The following ARHGAP21 variants were observed in gnomAD, a reference collection of about 807,000 sequenced individuals.
ARHGAP21 encodes the protein rho GTPase-activating protein 21.
In ARHGAP21, 38 loss-of-function variants were observed where a neutral mutation model predicts 164.6. The ratio of observed to expected loss-of-function variants is 0.23; its 90% CI spans 0.18 to 0.30. The LOEUF is 0.30. Among genes scored for constraint, ARHGAP21 ranks in the 10% least tolerant of loss-of-function variants. The probability of loss-of-function intolerance (pLI) is 1.00; values close to 1 mark genes in which losing one functional copy is unlikely to be tolerated. For synonymous variants in ARHGAP21, 766 were observed against 857.9 expected (o/e 0.89, Z 1.87); for missense variants, 1,822 against 2,370.7 (o/e 0.77, Z 4.81).
At chr10:24,597,785 G>C (rs554576264) in intron 15 of ARHGAP21, among the ~76,000 whole-genome samples, 160 bp downstream of exon 15, 1 of 152,056 alleles carries the variant, frequency 6.6e-6, no homozygotes, top group Non-Finnish European at 1.5e-5. Flanking sequence ...TACACTACCC[G>C]CCCATTACTA....
chr10:24,711,116 GGGAA>G lies in ARHGAP21; in HGVS notation c.63+10717_63+10720del, dbSNP rs1191649348. On this transcript the variant is annotated intron_variant, in intron 2 of 25. Coordinates refer to ENST00000396432, the MANE Select transcript of ARHGAP21 (RefSeq NM_020824.4). ...CTCAAAAAAAAAAAAAAAAAAAAAAGGGAAGGAAGGAAGGAAGGAAGGAGGGAGG... is the reference window on the plus strand; with the variant it reads ...CTCAAAAAAAAAAAAAAAAAAAAAAGGGAAGGAAGGAAGGAAGGAGGGAGG... 1.8e-3 allele frequency among the ~76,000 whole-genome samples: 206 copies of G among 114,980 alleles called. 1 individual carries two copies. The highest frequency in any genetic ancestry group is 4.9e-3 in the African/African-American group (144 of 29,550). The allele number at this position is 114,980 out of a possible 152,430, so 75.4% of individuals were successfully genotyped here.
intron 2 of ARHGAP21, among the ~76,000 whole-genome samples, chr10:24,691,351 G>A (rs1016498972): frequency 2.3e-4 from 35 of 152,196 alleles, no homozygotes; most frequent in African/African-American, 8.2e-4. Context: ...TAGACATGGA[G>A]CAATGAGGCT....
At chr10:24,707,440 A>G (rs139162035) in intron 2 of ARHGAP21, among the ~76,000 whole-genome samples, 2 of 152,316 alleles carry the variant, frequency 1.3e-5, no homozygotes, top group African/African-American at 4.8e-5. Flanking sequence ...TTACACTTCC[A>G]TAGGTGAAGT....
intron 2 of ARHGAP21, among the ~76,000 whole-genome samples, chr10:24,705,004 T>C (rs1484305961): frequency 6.6e-6 from 1 of 152,094 alleles, no homozygotes; most frequent in Admixed American, 6.5e-5. Flanking sequence ...CCAAGGCACA[T>C]CCAAAAAAGC....
At chr10:24,605,842 G>C (rs2077001341) in intron 11 of ARHGAP21, 1 of 151,998 alleles carries the variant, frequency 6.6e-6, no homozygotes, top group Admixed American at 6.6e-5. Context: ...TAAAATAATA[G>C]CCTTACCAGG....
chr10:24,674,141 T>A (rs1045759540), intron 2 of ARHGAP21, among the ~76,000 whole-genome samples: 1 of 152,168 alleles, frequency 6.6e-6, no homozygotes, highest in African/African-American at 2.4e-5. Context: ...ACACCTGTAA[T>A]CCCAGCACTT....
At chr10:24,669,325 GT>G (rs1386106444) in intron 3 of ARHGAP21, among the ~76,000 whole-genome samples, 1 of 152,146 alleles carries the variant, frequency 6.6e-6, no homozygotes, top group Middle Eastern at 3.2e-3. Flanking sequence ...TTAAAAGACA[GT>G]TTTGGATTCA....
At chr10:24,623,149 G>A (rs948625047) in intron 7 of ARHGAP21, among the ~76,000 whole-genome samples, 2 of 152,096 alleles carry the variant, frequency 1.3e-5, no homozygotes, top group African/African-American at 2.4e-5. Flanking sequence ...TCCAGATGAC[G>A]AAACGAATGC....
chr10:24,721,242 G>A (rs1376780610), intron 2 of ARHGAP21, among the ~76,000 whole-genome samples: 1 of 152,178 alleles, frequency 6.6e-6, no homozygotes, highest in Non-Finnish European at 1.5e-5. Context: ...GTAAAGGCAG[G>A]AGATTTTTCC....
chr10:24,593,987 C>G (rs1305968801), intron 21 of ARHGAP21, among the ~76,000 whole-genome samples: 1 of 152,022 alleles, frequency 6.6e-6, no homozygotes, highest in Non-Finnish European at 1.5e-5. Context: ...ACACTCTTCT[C>G]ATAATCAATC....
intron 7 of ARHGAP21, among the ~76,000 whole-genome samples, chr10:24,623,557 A>G (rs1042702848): frequency 3.3e-5 from 5 of 152,246 alleles, no homozygotes; most frequent in Admixed American, 3.3e-4. Flanking sequence ...CACCAAGTCT[A>G]TCTTTTCCAT....
At chr10:24,670,146 A>G (rs921679816) in intron 3 of ARHGAP21, 72 bp downstream of exon 3, 4 of 1,076,746 alleles carry the variant, frequency 3.7e-6, no homozygotes, top group Admixed American at 5.4e-5. Flanking sequence ...GGGAAGGGTA[A>G]GAGGAAGACT....
chr10:24,698,559 T>C (rs1843375682), intron 2 of ARHGAP21, among the ~76,000 whole-genome samples: 1 of 152,232 alleles, frequency 6.6e-6, no homozygotes, highest in African/African-American at 2.4e-5. Flanking sequence ...ACTGTTCCTT[T>C]AAATTCTTCC....
intron 3 of ARHGAP21, among the ~76,000 whole-genome samples, chr10:24,669,537 T>C (rs185846771): frequency 6.6e-6 from 1 of 152,354 alleles, no homozygotes; most frequent in Admixed American, 6.5e-5. Flanking sequence ...ATCAACTACT[T>C]ATCTGTTTTA....
intron 9 of ARHGAP21, among the ~76,000 whole-genome samples, chr10:24,617,281 C>G (rs758224568): frequency 2.0e-5 from 3 of 151,862 alleles, no homozygotes; most frequent in Non-Finnish European, 2.9e-5. Context: ...CAGATATATC[C>G]AGCACATTTT....
At chr10:24,709,940 C>T (rs1844616740) in intron 2 of ARHGAP21, among the ~76,000 whole-genome samples, 1 of 152,176 alleles carries the variant, frequency 6.6e-6, no homozygotes, top group Admixed American at 6.5e-5. Flanking sequence ...CAACAAGTGA[C>T]ATTCAAGCTT....
At chr10:24,590,136 G>A in intron 24 of ARHGAP21, 3 of 1,308,084 alleles carry the variant, frequency 2.3e-6, no homozygotes, top group South Asian at 4.2e-5. Context: ...TTAATGAGCT[G>A]AGCCCCATGC....
At position 24,601,998 on chromosome 10, in the gene ARHGAP21, G is replaced by C. The variant is rs539267047; in HGVS notation, c.2827C>G (p.Leu943Val). ...ACTACCTTGCCCTTATCGGTGACAA[G>C]GGGTCGGAAATGAAGCCACCCTTCC... Reference protein sequence around the residue: ...AKEGWLHFRPLVTDKGKRVGG... With the variant: ...AKEGWLHFRPVVTDKGKRVGG... The change falls in exon 13 of 26, where the codon CTT (leucine) becomes GTT (valine). Residue 943 changes from leucine (L) to valine (V), a missense_variant. Physicochemically the swap from Leu to Val is conservative, Grantham distance 32 (BLOSUM62 1). Around this residue, in one of 5 missense-constraint regions of ARHGAP21, gnomAD observed 1,090 missense variants for 1,378.9 expected, o/e 0.79. Coordinates refer to ENST00000396432, the MANE Select transcript of ARHGAP21 (RefSeq NM_020824.4). 5.0e-6 allele frequency: 8 copies of C among 1,611,502 alleles called. No individual in the cohort carries two copies. In the Admixed American group the frequency reaches 1.2e-4, roughly 24 times the overall value.
At chr10:24,670,069 G>C (rs992400861) in intron 3 of ARHGAP21, 149 bp downstream of exon 3, 14 of 473,660 alleles carry the variant, frequency 3.0e-5, no homozygotes, top group African/African-American at 2.8e-4. Context: ...TACCTAAAAG[G>C]AGAAAAATAA....
Sources: gnomAD v4.1 joint callset for allele counts (sites outside exome capture counted in the v4.1 genomes callset) on GRCh38, gnomAD v4.1.1 for gene constraint, gnomAD v4.1.1 regional missense constraint, MANE v1.5 for transcripts, NCBI Gene and HGNC (gene_info 2026-07-23, HGNC 2026-07-21) for gene names.